The following ANXA2R variants were observed in gnomAD, a reference collection of about 807,000 sequenced individuals.
ANXA2R encodes annexin-2 receptor.
For missense variants in ANXA2R, 244 were observed against 241.5 expected (o/e 1.01, Z -0.07); for synonymous variants, 93 against 93.6 (o/e 0.99, Z 0.04).
Position 43,039,570 on chromosome 5 carries a change from G to A in ANXA2R, c.477C>T (p.Leu159=), listed in dbSNP as rs1416886152. 1.2e-5 allele frequency: 20 copies of A among 1,613,870 alleles called. No homozygotes were observed. Among genetic ancestry groups the A allele is most frequent in the Non-Finnish European group, 1.6e-5 (19 of 1,179,928 alleles). Residue 159 remains leucine, a synonymous_variant, in exon 1 of 1, where the codon CTC becomes CTT. Coordinates refer to ENST00000616064, the MANE Select transcript of ANXA2R (RefSeq NM_001014279.3). ...ACTCCAGGCAGTCTGAGAAACCCGGGAGGTGGCGCCACGGCTGGAGGGCAG... is the reference window on the plus strand; with the variant it reads ...ACTCCAGGCAGTCTGAGAAACCCGGAAGGTGGCGCCACGGCTGGAGGGCAG... ...HPPALQPWRH[L]PGFSDCLEWI... is the part of the protein sequence containing the mutation.
At position 43,040,060 on chromosome 5, in the gene ANXA2R, G is replaced by GACCA; in HGVS notation, c.-18_-15dup. 6.3e-7 allele frequency: 1 copy of GACCA among 1,587,360 alleles called. No homozygotes were observed. The highest frequency in any genetic ancestry group is 1.2e-5 in the South Asian group (1 of 86,346). ...ATGTTGCTCCATCCCTCAAGCCTCA[G>GACCA]ACCAACGTTTGCGCTGATCAAGGAG... On this transcript the variant is annotated 5_prime_UTR_variant, in exon 1 of 1. The change creates a premature stop within an existing upstream ORF in the 5' untranslated region. Transcript: ENST00000616064.
upstream of ANXA2R, chr5:43,042,812 C>T (rs1049915232): frequency 2.3e-4 from 35 of 152,680 alleles, 1 homozygote; most frequent in Non-Finnish European, 1.5e-5. This position sits in a 1 kb window ranked among gnomAD's most constrained non-coding sequence, Gnocchi z 5.6. Flanking sequence ...GTAGGGATAC[C>T]ACAGAGAAAC....
chr5:43,042,009 G>C (rs566386055), upstream of ANXA2R: 89 of 152,442 alleles, frequency 5.8e-4, no homozygotes, highest in African/African-American at 2.1e-3. This position sits in a 1 kb window ranked among gnomAD's most constrained non-coding sequence, Gnocchi z 5.6. Flanking sequence ...CAGGCACCGC[G>C]AAATCGAAAC....
Position 43,039,538 on chromosome 5 carries a change from A to T in ANXA2R, c.509T>A (p.Leu170His), listed in dbSNP as rs747941603. ...PGFSDCLEWILRVGFAAFSVL... is the reference protein window; with the variant it reads ...PGFSDCLEWIHRVGFAAFSVL... Reference sequence around the variant, plus strand: ...AGAGAACGCGGCAAAACCAACGCGAAGAATCCACTCCAGGCAGTCTGAGAA... The same window carrying T: ...AGAGAACGCGGCAAAACCAACGCGATGAATCCACTCCAGGCAGTCTGAGAA... Residue 170 changes from leucine to histidine, a missense_variant, in exon 1 of 1, where the codon CTT becomes CAT. By Grantham distance (99) the Leu-to-His change is moderately conservative. Transcript: ENST00000616064. The T allele has an allele frequency of 6.2e-7, 1 of 1,612,774 alleles. No individual in the cohort carries two copies. Among genetic ancestry groups the T allele is most frequent in the Non-Finnish European group, 8.5e-7 (1 of 1,179,222 alleles).
At position 43,040,109 on chromosome 5, in the gene ANXA2R, G is replaced by T; in HGVS notation, c.-63C>A. The stretch of plus-strand genomic sequence containing the variant: ...AGGGAGAGTCTCTGCACTACCATCA[G>T]CCTGAGTATTTATGCTCTGCAGAGC... On this transcript the variant is annotated 5_prime_UTR_variant, in exon 1 of 1. In the 5' UTR this introduces an upstream ATG that the reference lacks. Coordinates refer to ENST00000616064, the MANE Select transcript of ANXA2R (RefSeq NM_001014279.3). 1.3e-6 allele frequency: 2 copies of T among 1,481,550 alleles called. No homozygotes were observed. Among genetic ancestry groups the T allele is most frequent in the Non-Finnish European group, 1.8e-6 (2 of 1,097,858 alleles). The allele number at this position is 1,481,550 out of a possible 1,614,324, so 91.8% of individuals were successfully genotyped here.
Position 43,039,483 on chromosome 5 carries a change from A to C in ANXA2R, c.564T>G (p.Cys188Trp), listed in dbSNP as rs929553111. ...CTGCTATCTAAGGCTGCTTAGCTCC[A>C]CAGATCCGTGAACAGCACGCCCAGA... ...SVLWACCSRICGAKQP is the reference protein window; with the variant it reads ...SVLWACCSRIWGAKQP The change falls in exon 1 of 1, where the codon TGT (cysteine) becomes TGG (tryptophan). Residue 188 changes from cysteine (C) to tryptophan (W), a missense_variant. Transcript: ENST00000616064. 6.3e-7 allele frequency: 1 copy of C among 1,575,070 alleles called. No homozygotes were observed. The highest frequency in any genetic ancestry group is 1.2e-5 in the South Asian group (1 of 84,876).
At position 43,040,181 on chromosome 5, in the gene ANXA2R, A is replaced by C; in HGVS notation, c.-135T>G. ...ATATTAAGAAACTCAGTAGTAACAA[A>C]TGCACGAAAATTAGTAGACAAATGA... On this transcript the variant is annotated 5_prime_UTR_variant, in exon 1 of 1. Coordinates refer to ENST00000616064, the MANE Select transcript of ANXA2R (RefSeq NM_001014279.3). 1.4e-6 allele frequency: 1 copy of C among 694,554 alleles called. No homozygotes were observed. Among genetic ancestry groups the C allele is most frequent in the Non-Finnish European group, 2.4e-6 (1 of 423,378 alleles). The allele number at this position is 694,554 out of a possible 1,614,324, so 43.0% of individuals were successfully genotyped here. A position where few individuals can be genotyped will look rare whatever the true frequency, so the allele number is the denominator to read the frequency against.
chr5:43,041,016 C>T (rs887003794), upstream of ANXA2R: 8 of 152,104 alleles, frequency 5.3e-5, no homozygotes, highest in African/African-American at 1.4e-4. Context: ...AGACAGAACC[C>T]GGAACCTGAT....
In ANXA2R at chr5:43,040,025, A is replaced by G. The variant is rs1395187453; in HGVS notation, c.22T>C (p.Cys8Arg). The change falls in exon 1 of 1, where the codon TGT (cysteine) becomes CGT (arginine). Residue 8 changes from cysteine to arginine, a missense_variant. Transcript: ENST00000616064. ...GCGGAATCCCAAGCCCGCTTCACAC[A>G]GCCAAGAAAATGTTGCTCCATCCCT... Reference protein sequence around the residue: MEQHFLGCVKRAWDSAEV... With the variant: MEQHFLGRVKRAWDSAEV... 1 of 1,609,396 alleles carries G rather than the reference A, an allele frequency of 6.2e-7. No homozygotes were observed.
At position 43,039,678 on chromosome 5, in the gene ANXA2R, C is replaced by G; in HGVS notation, c.369G>C (p.Trp123Cys). Reference sequence around the variant, plus strand: ...TGTCCCAGGGATGGAGAGGACTGCTCCAGGGAAGCTGCTGGAGCCTGAGTC... The same window carrying G: ...TGTCCCAGGGATGGAGAGGACTGCTGCAGGGAAGCTGCTGGAGCCTGAGTC... The part of the protein sequence containing the change: ...PDRLRLQQLP[W>C]SSPLHPWDRQ... Residue 123 changes from tryptophan (W) to cysteine (C), a missense_variant, in exon 1 of 1, where the codon TGG becomes TGC. Physicochemically the swap from Trp to Cys is radical, Grantham distance 215. Transcript: ENST00000616064. 6.2e-7 allele frequency: 1 copy of G among 1,613,524 alleles called. No homozygotes were observed. The highest frequency in any genetic ancestry group is 8.5e-7 in the Non-Finnish European group (1 of 1,179,622).
At position 43,040,082 on chromosome 5, in the gene ANXA2R, G is replaced by A; in HGVS notation, c.-36C>T. Reference sequence around the variant, plus strand: ...TCAGACCAACGTTTGCGCTGATCAAGGAGGGAGAGTCTCTGCACTACCATC... The same window carrying A: ...TCAGACCAACGTTTGCGCTGATCAAAGAGGGAGAGTCTCTGCACTACCATC... On this transcript the variant is annotated 5_prime_UTR_variant, in exon 1 of 1. Coordinates refer to ENST00000616064, the MANE Select transcript of ANXA2R (RefSeq NM_001014279.3). 6.4e-7 allele frequency: 1 copy of A among 1,554,476 alleles called. No homozygotes were observed. Among genetic ancestry groups the A allele is most frequent in the Non-Finnish European group, 8.7e-7 (1 of 1,149,798 alleles).
Position 43,039,516 on chromosome 5 carries a change from G to A in ANXA2R, c.531C>T (p.Phe177=). 6.2e-7 allele frequency: 1 copy of A among 1,607,796 alleles called. No homozygotes were observed. The highest frequency in any genetic ancestry group is 8.5e-7 in the Non-Finnish European group (1 of 1,176,412). ...GTGAACAGCACGCCCAGAGTACAGA[G>A]AACGCGGCAAAACCAACGCGAAGAA... ...EWILRVGFAA[F]SVLWACCSRI... is the part of the protein sequence containing the mutation. Residue 177 remains phenylalanine, a synonymous_variant, in exon 1 of 1, where the codon TTC becomes TTT. Transcript: ENST00000616064.
upstream of ANXA2R, chr5:43,042,000 A>AG (rs1288563588): frequency 2.0e-5 from 3 of 152,310 alleles, no homozygotes; most frequent in Admixed American, 1.3e-4. Context: ...TGGAAATCCC[A>AG]GGCACCGCGA....
chr5:43,040,246 A>G lies in ANXA2R; in HGVS notation c.-200T>C. The G allele has an allele frequency of 2.0e-6, 1 of 498,260 alleles. No homozygotes were observed. Among genetic ancestry groups the G allele is most frequent in the Non-Finnish European group, 3.6e-6 (1 of 276,540 alleles). The allele number at this position is 498,260 out of a possible 1,614,324, so 30.9% of individuals were successfully genotyped here. On this transcript the variant is annotated 5_prime_UTR_variant, in exon 1 of 1. Coordinates refer to ENST00000616064, the MANE Select transcript of ANXA2R (RefSeq NM_001014279.3). ...TTAGAGAGTACATAGAACCAAAACG[A>G]ACCGTAATTCCGACAGAAAAACATG...
chr5:43,040,340 G>C (rs1742171651), upstream of ANXA2R: 1 of 303,314 alleles, frequency 3.3e-6, no homozygotes, highest in African/African-American at 2.2e-5. Flanking sequence ...ACAGAACGCA[G>C]GTATTCAAGA....
rs1167851506 is a variant in ANXA2R at position 43,040,086 on chromosome 5, G to A, written c.-40C>T. On this transcript the variant is annotated 5_prime_UTR_variant, in exon 1 of 1. Coordinates refer to ENST00000616064, the MANE Select transcript of ANXA2R (RefSeq NM_001014279.3). ...ACCAACGTTTGCGCTGATCAAGGAG[G>A]GAGAGTCTCTGCACTACCATCAGCC... 6.5e-7 allele frequency: 1 copy of A among 1,548,490 alleles called. No homozygotes were observed. The highest frequency in any genetic ancestry group is 1.9e-5 in the Admixed American group (1 of 52,256).
rs745986646 is a variant in ANXA2R, at chr5:43,039,695, G to A, written c.352C>T (p.Leu118Phe). 6 of 1,613,826 alleles carry A rather than the reference G, an allele frequency of 3.7e-6. No individual in the cohort carries two copies. Among genetic ancestry groups the A allele is most frequent in the Non-Finnish European group, 5.1e-6 (6 of 1,179,874 alleles). ...GGACTGCTCCAGGGAAGCTGCTGGA[G>A]CCTGAGTCTGTCGGGTTCCTCTGCC... The part of the protein sequence containing the change: ...GQAEEPDRLR[L>F]QQLPWSSPLH... The change falls in exon 1 of 1, where the codon CTC (leucine) becomes TTC (phenylalanine). Residue 118 changes from leucine to phenylalanine, a missense_variant. Leu to Phe is a conservative substitution (Grantham distance 22). Coordinates refer to ENST00000616064, the MANE Select transcript of ANXA2R (RefSeq NM_001014279.3).
Position 43,039,951 on chromosome 5 carries a change from A to T in ANXA2R, c.96T>A (p.Asp32Glu). ...ACAAAGGAAGAGGCCACGGCCCACG[A>T]TCTTCTGAACTCACAATAGGTGGAG... ...PQPPPIVSSE[D>E]RGPWPLPLYP... The change falls in exon 1 of 1, where the codon GAT becomes GAA. Residue 32 changes from aspartate to glutamate, a missense_variant. Transcript: ENST00000616064. 1 of 1,614,132 alleles carries T rather than the reference A, an allele frequency of 6.2e-7. No individual in the cohort carries two copies. Among genetic ancestry groups the T allele is most frequent in the Non-Finnish European group, 8.5e-7 (1 of 1,180,028 alleles).
At chr5:43,041,025 A>G (rs927601132), upstream of ANXA2R, 2 of 152,204 alleles carry the variant, frequency 1.3e-5, no homozygotes, top group Non-Finnish European at 2.9e-5. Context: ...CCGGAACCTG[A>G]TACCAGCGAG....
Sources: allele counts gnomAD v4.1 joint callset, GRCh38; gene constraint gnomAD v4.1.1; non-coding constraint Gnocchi (gnomAD v3.1); transcripts MANE v1.5; gene names NCBI Gene and HGNC (gene_info 2026-07-23, HGNC 2026-07-21).